UPP2: variants seen among roughly 807,000 people sequenced by gnomAD.
The protein encoded by UPP2 is uridine phosphorylase 2.
A neutral mutation model predicts 26.7 loss-of-function variants in UPP2; 23 were observed. That is an observed-to-expected ratio of 0.86 (90% CI 0.62 to 1.22). UPP2 has a LOEUF of 1.22. UPP2 is among the 50% of genes most tolerant of loss of function. The pLI is 0.00. For synonymous variants in UPP2, 127 were observed against 141.3 expected (o/e 0.90, Z 0.72); for missense variants, 387 against 396.7 (o/e 0.98, Z 0.21).
chr2:158,114,303 C>A (rs779244451), intron 2 of UPP2, among the ~76,000 whole-genome samples: 2 of 152,120 alleles, frequency 1.3e-5, no homozygotes, highest in African/African-American at 4.8e-5. Flanking sequence ...GTTGCTGACC[C>A]GTAGTGCTTC....
intron 3 of UPP2, among the ~76,000 whole-genome samples, chr2:158,049,932 C>T (rs567606942): frequency 1.1e-3 from 165 of 152,310 alleles, no homozygotes; most frequent in African/African-American, 3.9e-3. Flanking sequence ...TGTGATTTCA[C>T]TTGAACCAAT....
chr2:158,053,757 A>G (rs1682196039), intron 3 of UPP2, among the ~76,000 whole-genome samples: 1 of 152,226 alleles, frequency 6.6e-6, no homozygotes, highest in African/African-American at 2.4e-5. Flanking sequence ...TGTCTCACAC[A>G]TTACCATAGT....
chr2:158,078,445 T>C (rs1682665772), intron 3 of UPP2, among the ~76,000 whole-genome samples: 3 of 152,172 alleles, frequency 2.0e-5, no homozygotes, highest in Non-Finnish European at 4.4e-5. Context: ...GAGTACTATT[T>C]AGCCATAAAA....
At chr2:158,030,407 G>T (rs1164502938) in intron 3 of UPP2, among the ~76,000 whole-genome samples, 2 of 152,158 alleles carry the variant, frequency 1.3e-5, no homozygotes, top group African/African-American at 4.8e-5. Context: ...TCCTTTGGCT[G>T]TTCTTATGGG....
chr2:158,075,418 A>C (rs1042544393), intron 3 of UPP2, among the ~76,000 whole-genome samples: 3 of 152,062 alleles, frequency 2.0e-5, no homozygotes, highest in Non-Finnish European at 4.4e-5. Context: ...CATATCGATA[A>C]GGATAGACCA....
chr2:158,131,991 A>G (rs1325388641), intron 6 of UPP2, among the ~76,000 whole-genome samples: 1 of 152,194 alleles, frequency 6.6e-6, no homozygotes, highest in Non-Finnish European at 1.5e-5. Flanking sequence ...AGTATAGAGC[A>G]CTGGTTTCCT....
At position 158,121,618 on chromosome 2, in the gene UPP2, G is replaced by A; in HGVS notation, c.664G>A (p.Gly222Ser). ...HTMCTYDFYE[G>S]QGRLDGALCS... ...AATGTGTACCTATGATTTTTATGAA[G>A]GTGAGAACAATTTATAAACTGTGAA... Residue 222 changes from glycine to serine, a missense_variant and splice_region_variant, in exon 5 of 7, where the codon GGC becomes AGC. Gly to Ser is a moderately conservative substitution (Grantham distance 56). Transcript: ENST00000005756. The A allele has an allele frequency of 6.2e-7, 1 of 1,610,686 alleles. No individual in the cohort carries two copies. Among genetic ancestry groups the A allele is most frequent in the Non-Finnish European group, 8.5e-7 (1 of 1,177,044 alleles).
intron 2 of UPP2, among the ~76,000 whole-genome samples, chr2:158,013,003 G>T (rs769100990): frequency 6.6e-6 from 1 of 151,318 alleles, no homozygotes; most frequent in Non-Finnish European, 1.5e-5. Flanking sequence ...TTAAGCTATT[G>T]TTATTATTAT....
chr2:158,023,691 A>T (rs1369720515), intron 3 of UPP2, among the ~76,000 whole-genome samples: 1 of 152,066 alleles, frequency 6.6e-6, no homozygotes, highest in Non-Finnish European at 1.5e-5. Context: ...TAGCCAGCAG[A>T]GGTGCCTCTC....
intron 3 of UPP2, among the ~76,000 whole-genome samples, chr2:158,061,465 C>T (rs1376167625): frequency 6.6e-6 from 1 of 152,200 alleles, no homozygotes; most frequent in African/African-American, 2.4e-5. Context: ...TGAGAAAACA[C>T]TGTGTAGCAG....
At chr2:158,060,434 C>T (rs1574268558) in intron 3 of UPP2, among the ~76,000 whole-genome samples, 1 of 152,162 alleles carries the variant, frequency 6.6e-6, no homozygotes, top group Admixed American at 6.5e-5. Context: ...GTAATTGAGA[C>T]AGTCATCCTC....
At chr2:158,098,605 G>A (rs1184860332), upstream of UPP2, among the ~76,000 whole-genome samples, 72 of 152,178 alleles carry the variant, frequency 4.7e-4, no homozygotes, top group Admixed American at 4.7e-3. Context: ...ATGAGCACAT[G>A]GATCCAGGAG....
intron 4 of UPP2, 112 bp downstream of exon 4, chr2:158,118,050 G>T: frequency 1.2e-6 from 1 of 839,196 alleles, no homozygotes; most frequent in Non-Finnish European, 1.9e-6. Context: ...GGGCTAAAAA[G>T]TGTCAGAAGG....
intron 3 of UPP2, among the ~76,000 whole-genome samples, chr2:158,036,111 A>G (rs1683996930): frequency 1.3e-5 from 2 of 152,238 alleles, no homozygotes; most frequent in African/African-American, 4.8e-5. Flanking sequence ...TGATTTAAAA[A>G]ACAAAATACT....
intron 6 of UPP2, among the ~76,000 whole-genome samples, chr2:158,124,830 G>T (rs768305954): frequency 6.6e-6 from 1 of 152,202 alleles, no homozygotes; most frequent in Non-Finnish European, 1.5e-5. Flanking sequence ...AACTGGGACA[G>T]AGGAAATTGG....
chr2:158,099,346 T>C (rs532959502), upstream of UPP2, among the ~76,000 whole-genome samples: 5 of 152,278 alleles, frequency 3.3e-5, no homozygotes, highest in South Asian at 2.1e-4. Context: ...GCTGGTGCTA[T>C]GGGCTGAATG....
At chr2:158,017,524 A>T (rs1683679623) in intron 3 of UPP2, among the ~76,000 whole-genome samples, 1 of 152,220 alleles carries the variant, frequency 6.6e-6, no homozygotes, top group Non-Finnish European at 1.5e-5. Context: ...AAATGGGCAC[A>T]CTTAACATTT....
At chr2:158,029,302 A>C (rs1683887793) in intron 3 of UPP2, among the ~76,000 whole-genome samples, 1 of 152,232 alleles carries the variant, frequency 6.6e-6, no homozygotes, top group Non-Finnish European at 1.5e-5. Flanking sequence ...AAAAATAAAG[A>C]TGCTTTAAAA....
intron 3 of UPP2, among the ~76,000 whole-genome samples, chr2:158,075,413 C>T (rs562399654): frequency 1.2e-4 from 18 of 151,720 alleles, no homozygotes; most frequent in African/African-American, 3.4e-4. Context: ...CTCAGCATAT[C>T]GATAAGGATA....
Sources: gnomAD v4.1 joint callset for allele counts (sites outside exome capture counted in the v4.1 genomes callset) on GRCh38, gnomAD v4.1.1 for gene constraint, MANE v1.5 for transcripts, NCBI Gene and HGNC (gene_info 2026-07-23, HGNC 2026-07-21) for gene names.